TOPAZ1: variants seen among roughly 807,000 people sequenced by gnomAD.
TOPAZ1 encodes the protein testis and ovary specific TOPAZ 1.
TOPAZ1 carries 66 observed loss-of-function variants against 172.2 expected under a neutral mutation model. The observed-to-expected ratio is 0.38, with a 90% CI of 0.31 to 0.47. The LOEUF is 0.47. Among genes scored for constraint, TOPAZ1 ranks in the 20% least tolerant of loss-of-function variants. The pLI, the probability that TOPAZ1 is intolerant of heterozygous loss-of-function variation, is 0.99. For missense variants in TOPAZ1, 1,822 were observed against 1,972.4 expected, an observed-to-expected ratio of 0.92 and a Z score of 1.44; for synonymous variants, 681 against 683.9, an observed-to-expected ratio of 1.00 and a Z score of 0.07.
At chr3:44,274,173 G>T (rs1018489002) in intron 8 of TOPAZ1, among the ~76,000 whole-genome samples, 1 of 151,278 alleles carries the variant, frequency 6.6e-6, no homozygotes, top group African/African-American at 2.4e-5. Context: ...ACTTTGGGAG[G>T]GTGAGGCAGG....
Position 44,244,791 on chromosome 3 carries a change from A to G in TOPAZ1, c.2285A>G (p.Tyr762Cys). The G allele has an allele frequency of 1.3e-6, 2 of 1,551,626 alleles. No homozygotes were observed. Among genetic ancestry groups the G allele is most frequent in the Admixed American group, 2.0e-5 (1 of 51,008 alleles). Reference protein sequence around the residue: ...TPVQASSDSFYNKKSYSISPS... With the variant: ...TPVQASSDSFCNKKSYSISPS... ...GTGCAAGCTAGTTCTGACTCATTCT[A>G]CAATAAGAAATCCTATAGTATTTCT... Residue 762 changes from tyrosine to cysteine, a missense_variant, in exon 2 of 20, where the codon TAC (tyrosine) becomes TGC (cysteine). By Grantham distance (194) the Tyr-to-Cys change is radical (BLOSUM62 -2). Transcript: ENST00000309765.
At chr3:44,303,408 A>G (rs917281946) in intron 12 of TOPAZ1, among the ~76,000 whole-genome samples, 3 of 150,948 alleles carry the variant, frequency 2.0e-5, no homozygotes, top group African/African-American at 7.3e-5. Flanking sequence ...GCATTTCAAA[A>G]ATTGCCTTCT....
chr3:44,304,991 G>A (rs1232596982), intron 13 of TOPAZ1, among the ~76,000 whole-genome samples, 156 bp from the exon 14 acceptor site: 1 of 152,150 alleles, frequency 6.6e-6, no homozygotes, highest in Non-Finnish European at 1.5e-5. Flanking sequence ...TTGTTGATGT[G>A]ATACTTGTTG....
chr3:44,298,425 T>C (rs1364608044), intron 12 of TOPAZ1, among the ~76,000 whole-genome samples: 1 of 152,100 alleles, frequency 6.6e-6, no homozygotes, highest in Non-Finnish European at 1.5e-5. Context: ...ACCACTGCAC[T>C]CCAGCCTGGG....
intron 8 of TOPAZ1, among the ~76,000 whole-genome samples, chr3:44,273,536 A>G (rs1699920191): frequency 6.6e-6 from 1 of 152,222 alleles, no homozygotes; most frequent in African/African-American, 2.4e-5. Context: ...CGTATACAAA[A>G]TAAATTCAAA....
At chr3:44,279,359 A>G (rs929342404) in intron 8 of TOPAZ1, among the ~76,000 whole-genome samples, 1 of 152,130 alleles carries the variant, frequency 6.6e-6, no homozygotes, top group African/African-American at 2.4e-5. Context: ...GTTTAAAACT[A>G]ATGTTTGTTT....
intron 8 of TOPAZ1, among the ~76,000 whole-genome samples, chr3:44,274,467 CATA>C (rs1255872918): frequency 6.0e-5 from 9 of 150,576 alleles, no homozygotes; most frequent in Non-Finnish European, 1.2e-4. Context: ...GTAAAAGAAA[CATA>C]ATAATAATAA....
intron 8 of TOPAZ1, among the ~76,000 whole-genome samples, 162 bp from the exon 9 acceptor site, chr3:44,281,806 T>C (rs941742387): frequency 6.6e-6 from 1 of 152,262 alleles, no homozygotes; most frequent in Non-Finnish European, 1.5e-5. Flanking sequence ...GAATTCAATA[T>C]GTACTTCAAA....
At chr3:44,267,246 A>G (rs961847982) in intron 6 of TOPAZ1, 110 bp downstream of exon 6, 81 of 845,514 alleles carry the variant, frequency 9.6e-5, no homozygotes, top group Middle Eastern at 5.3e-4. Context: ...GGAATCATGT[A>G]GAATATGTTA....
In TOPAZ1 at chr3:44,291,905, A is replaced by T. The variant is rs146770449; in HGVS notation, c.3797+1019A>T. Among the ~76,000 whole-genome samples, 79 of 152,238 alleles carry T rather than the reference A, an allele frequency of 5.2e-4. 1 individual carries two copies. The highest frequency in any genetic ancestry group is 3.4e-3 in the Middle Eastern group (1 of 294). ...TTATCTTCTAATGCAGAGGTTCCCA[A>T]ACTTTCTTGGTTCTGTGTCCCTAGG... On this transcript the variant is annotated intron_variant, in intron 12 of 19. Transcript: ENST00000309765.
intron 12 of TOPAZ1, among the ~76,000 whole-genome samples, chr3:44,294,239 C>CAA (rs530235553): frequency 6.2e-5 from 9 of 146,004 alleles, no homozygotes; most frequent in African/African-American, 1.2e-4. Context: ...GACTCTGTCT[C>CAA]AAAAAAAAAA....
In TOPAZ1 at chr3:44,328,125, T is replaced by A; in HGVS notation, c.4676-125T>A. 3 of 558,706 alleles carry A rather than the reference T, an allele frequency of 5.4e-6. No individual in the cohort carries two copies. In the South Asian group the frequency reaches 9.4e-5, roughly 18 times the overall value. The allele number at this position is 558,706 out of a possible 1,614,324, so 34.6% of individuals were successfully genotyped here. ...TACTAGGATAAGCTATCATGTAATT[T>A]GTTAATCTACTTCTAATGTGAAGAC... On this transcript the variant is annotated intron_variant, in intron 18 of 19. Transcript: ENST00000309765.
At chr3:44,300,892 T>TACGGGC (rs1287824743) in intron 12 of TOPAZ1, among the ~76,000 whole-genome samples, 1 of 148,760 alleles carries the variant, frequency 6.7e-6, no homozygotes, top group Non-Finnish European at 1.5e-5. Context: ...AATAGGTGAA[T>TACGGGC]GAGTAGTTAT....
intron 14 of TOPAZ1, 75 bp downstream of exon 14, chr3:44,305,396 G>T (rs888948724): frequency 1.6e-6 from 2 of 1,277,120 alleles, no homozygotes; most frequent in East Asian, 2.7e-5. Flanking sequence ...TAGAGACAGG[G>T]TCTTCCTTTG....
chr3:44,307,268 C>T (rs534818834), intron 15 of TOPAZ1, among the ~76,000 whole-genome samples: 4 of 152,108 alleles, frequency 2.6e-5, no homozygotes, highest in Admixed American at 1.3e-4. Context: ...TTGATCCACC[C>T]GCCTCAGCCT....
At chr3:44,320,159 G>A (rs1700493026) in intron 16 of TOPAZ1, among the ~76,000 whole-genome samples, 4 of 152,108 alleles carry the variant, frequency 2.6e-5, no homozygotes, top group Admixed American at 2.6e-4. Flanking sequence ...AGGGTCTGAG[G>A]TCTGTTGGTT....
At chr3:44,242,713 C>A (rs1459542766) in intron 1 of TOPAZ1, 140 bp from the exon 2 acceptor site, 4 of 736,262 alleles carry the variant, frequency 5.4e-6, no homozygotes, top group Non-Finnish European at 8.5e-6. Context: ...TTAAGGCTTT[C>A]ATTTAAAAAC....
chr3:44,268,595 A>G (rs1026009569), intron 6 of TOPAZ1, among the ~76,000 whole-genome samples: 2 of 151,820 alleles, frequency 1.3e-5, no homozygotes, highest in Admixed American at 6.6e-5. Flanking sequence ...GCTGGTCTCA[A>G]TGGTCTCAAA....
intron 11 of TOPAZ1, among the ~76,000 whole-genome samples, chr3:44,288,321 T>C (rs964613827): frequency 6.6e-6 from 1 of 152,042 alleles, no homozygotes; most frequent in African/African-American, 2.4e-5. Flanking sequence ...AGAACAGATA[T>C]GTGAGTGAAT....
Sources: gnomAD v4.1 joint callset for allele counts (sites outside exome capture counted in the v4.1 genomes callset) on GRCh38, gnomAD v4.1.1 for gene constraint, MANE v1.5 for transcripts, NCBI Gene and HGNC (gene_info 2026-07-23, HGNC 2026-07-21) for gene names.